PCDH9: variants seen among roughly 807,000 people sequenced by gnomAD.
The protein encoded by PCDH9 is protocadherin 9.
PCDH9 carries 24 observed loss-of-function variants against 70.6 expected under a neutral mutation model. That is an observed-to-expected ratio of 0.34 (90% CI 0.25 to 0.48). The LOEUF is 0.48. PCDH9 is among the 20% of genes least tolerant of loss of function. The pLI, the probability that PCDH9 is intolerant of heterozygous loss-of-function variation, is 0.99. For missense variants in PCDH9, 1,281 were observed against 1,503.6 expected (o/e 0.85, Z 2.45); for synonymous variants, 562 against 558.5 (o/e 1.01, Z -0.09).
intron 3 of PCDH9, among the ~76,000 whole-genome samples, chr13:66,644,657 TCA>T (rs1038395895): frequency 6.6e-6 from 1 of 151,972 alleles, no homozygotes; most frequent in African/African-American, 2.4e-5. Context: ...CCATTTTACA[TCA>T]GTCATCAAGG....
intron 4 of PCDH9, among the ~76,000 whole-genome samples, chr13:66,447,577 C>A (rs912357450): frequency 1.3e-5 from 2 of 152,032 alleles, no homozygotes; most frequent in Non-Finnish European, 1.5e-5. Context: ...CTATCTGTGG[C>A]AATTAGGACT....
Position 67,151,035 on chromosome 13 carries a change from A to T in PCDH9, c.3036+74370T>A, listed in dbSNP as rs375922545. 2.2e-4 allele frequency among the ~76,000 whole-genome samples: 33 copies of T among 152,202 alleles called. 1 individual carries two copies. Among genetic ancestry groups the T allele is most frequent in the East Asian group, 1.9e-3 (10 of 5,194 alleles). On this transcript the variant is annotated intron_variant, in intron 2 of 4. Coordinates refer to ENST00000377865, the MANE Select transcript of PCDH9 (RefSeq NM_203487.3). ...ATTCAACATGCACCATATATGAATT[A>T]TACTTAAAATACTGTTCCCTCTGCC... is the stretch of plus-strand genomic sequence containing the variant.
intron 2 of PCDH9, among the ~76,000 whole-genome samples, chr13:67,127,144 T>C (rs2086997647): frequency 6.6e-6 from 1 of 152,144 alleles, no homozygotes; most frequent in African/African-American, 2.4e-5. Context: ...TAATAGTAAA[T>C]TAATTGAATT....
chr13:66,560,144 T>G (rs1291929478), intron 4 of PCDH9, among the ~76,000 whole-genome samples: 1 of 152,064 alleles, frequency 6.6e-6, no homozygotes, highest in Non-Finnish European at 1.5e-5. Flanking sequence ...AACACTTCCT[T>G]ACCAACAGAT....
intron 4 of PCDH9, among the ~76,000 whole-genome samples, chr13:66,345,154 T>C (rs1446147658): frequency 1.3e-5 from 2 of 152,176 alleles, no homozygotes; most frequent in Non-Finnish European, 2.9e-5. Flanking sequence ...AGGGTCGAGC[T>C]AGTAGGGCAG....
At chr13:67,014,546 T>C (rs113043737) in intron 2 of PCDH9, among the ~76,000 whole-genome samples, 2 of 152,254 alleles carry the variant, frequency 1.3e-5, no homozygotes, top group African/African-American at 4.8e-5. Flanking sequence ...TCATATCTAC[T>C]TGGCTTCCTT....
intron 4 of PCDH9, among the ~76,000 whole-genome samples, chr13:66,586,089 A>T (rs1202051135): frequency 6.6e-6 from 1 of 152,198 alleles, no homozygotes; most frequent in Non-Finnish European, 1.5e-5. Context: ...TTCACAACTG[A>T]GAGTGAGAGG....
At chr13:66,719,085 C>T (rs1290617686) in intron 3 of PCDH9, among the ~76,000 whole-genome samples, 2 of 152,074 alleles carry the variant, frequency 1.3e-5, no homozygotes, top group Admixed American at 6.6e-5. Context: ...ACAGGAACCC[C>T]ACATATTTTA....
chr13:66,816,365 T>G (rs183695468), intron 3 of PCDH9, among the ~76,000 whole-genome samples: 5 of 152,280 alleles, frequency 3.3e-5, no homozygotes, highest in Admixed American at 2.0e-4. Context: ...AGTAGGATTA[T>G]GATCAATTGA....
intron 4 of PCDH9, among the ~76,000 whole-genome samples, chr13:66,422,373 A>T (rs1425558455): frequency 1.3e-5 from 2 of 152,218 alleles, no homozygotes; most frequent in African/African-American, 4.8e-5. Context: ...TCAGCACCAC[A>T]TAGCACTTAC....
chr13:66,934,626 G>GTTGTATGC (rs1339335215), intron 2 of PCDH9, among the ~76,000 whole-genome samples: 2 of 146,588 alleles, frequency 1.4e-5, no homozygotes, highest in Non-Finnish European at 3.0e-5. Context: ...AAGCAGAATA[G>GTTGTATGC]TTGTATGCTG....
intron 2 of PCDH9, among the ~76,000 whole-genome samples, chr13:67,142,419 T>C (rs2087415696): frequency 6.6e-6 from 1 of 152,210 alleles, no homozygotes; most frequent in Non-Finnish European, 1.5e-5. Flanking sequence ...TAATTTATTT[T>C]GATTTTGTGG....
intron 2 of PCDH9, chr13:67,203,701 G>A (rs2089272220): frequency 6.6e-6 from 1 of 151,990 alleles, no homozygotes; most frequent in Non-Finnish European, 1.5e-5. Context: ...ATAGATATGA[G>A]AAAATCACAT....
At chr13:66,887,058 CA>C (rs2082017049) in intron 3 of PCDH9, among the ~76,000 whole-genome samples, 1 of 151,438 alleles carries the variant, frequency 6.6e-6, no homozygotes, top group African/African-American at 2.4e-5. Context: ...CACACACACA[CA>C]CACACACACA....
At chr13:66,350,630 A>G (rs1956279368) in intron 4 of PCDH9, among the ~76,000 whole-genome samples, 2 of 152,048 alleles carry the variant, frequency 1.3e-5, no homozygotes. Flanking sequence ...TTATATGACT[A>G]CCCTTTATTC....
At chr13:66,467,170 C>T (rs1594026307) in intron 4 of PCDH9, among the ~76,000 whole-genome samples, 2 of 151,962 alleles carry the variant, frequency 1.3e-5, no homozygotes, top group African/African-American at 4.8e-5. Context: ...AATCACTTCA[C>T]CAAGGAGGTA....
At chr13:66,792,801 T>G (rs546290137) in intron 3 of PCDH9, among the ~76,000 whole-genome samples, 1 of 152,184 alleles carries the variant, frequency 6.6e-6, no homozygotes, top group Non-Finnish European at 1.5e-5. Context: ...AATAAATATA[T>G]GTACACACTC....
rs140153063 is a variant in PCDH9 at position 66,364,403 on chromosome 13, A to G, written c.3341-59375T>C. 5.8e-4 allele frequency among the ~76,000 whole-genome samples: 89 copies of G among 152,302 alleles called. 1 individual carries two copies. The highest frequency in any genetic ancestry group is 2.0e-3 in the African/African-American group (84 of 41,574). ...AATTGGAAACCTTTGCAAGTCCTTC[A>G]TCATTGGAACTTTAATACTGACTGT... On this transcript the variant is annotated intron_variant, in intron 4 of 4. Coordinates refer to ENST00000377865, the MANE Select transcript of PCDH9 (RefSeq NM_203487.3).
intron 3 of PCDH9, among the ~76,000 whole-genome samples, chr13:66,820,656 T>C (rs1419840963): frequency 6.6e-6 from 1 of 152,160 alleles, no homozygotes; most frequent in Non-Finnish European, 1.5e-5. Flanking sequence ...CACCATGGAA[T>C]ACTATGCAGC....
Sources: gnomAD v4.1 joint callset for allele counts (sites outside exome capture counted in the v4.1 genomes callset) on GRCh38, gnomAD v4.1.1 for gene constraint, MANE v1.5 for transcripts, NCBI Gene and HGNC (gene_info 2026-07-23, HGNC 2026-07-21) for gene names.